Variants in GPD1L observed in about 807,000 individuals in gnomAD.
GPD1L encodes glycerol-3-phosphate dehydrogenase 1-like protein.
A neutral mutation model predicts 32.9 loss-of-function variants in GPD1L; 17 were observed. The observed-to-expected ratio is 0.52, with a 90% confidence interval of 0.35 to 0.78. The LOEUF (loss-of-function observed/expected upper bound fraction) is 0.78. Among genes scored for constraint, GPD1L ranks in the 30% least tolerant of loss-of-function variants. The pLI is 0.01. For synonymous variants in GPD1L, 187 were observed against 165.9 expected, an observed-to-expected ratio of 1.13 and a Z score of -0.98; for missense variants, 361 against 447.8, an observed-to-expected ratio of 0.81 and a Z score of 1.75.
intron 1 of GPD1L, among the ~76,000 whole-genome samples, chr3:32,124,225 T>C (rs987287583): frequency 3.3e-5 from 5 of 152,016 alleles, no homozygotes; most frequent in Non-Finnish European, 4.4e-5. Context: ...GCCACCATGC[T>C]CAGCTAATTT....
intron 5 of GPD1L, among the ~76,000 whole-genome samples, chr3:32,149,253 G>T (rs1180952467): frequency 6.6e-6 from 1 of 152,098 alleles, no homozygotes; most frequent in Non-Finnish European, 1.5e-5. Context: ...TAGAGATGGG[G>T]CCTCGCTGTG....
chr3:32,145,992 C>T (rs781231294), intron 4 of GPD1L, among the ~76,000 whole-genome samples: 15 of 152,080 alleles, frequency 9.9e-5, no homozygotes, highest in Non-Finnish European at 1.8e-4. Flanking sequence ...CATCCACTCC[C>T]CACCCTCTCT....
At chr3:32,148,680 C>T (rs1700868521) in intron 5 of GPD1L, among the ~76,000 whole-genome samples, 1 of 152,178 alleles carries the variant, frequency 6.6e-6, no homozygotes, top group African/African-American at 2.4e-5. Flanking sequence ...GGTTTTAAGA[C>T]TCTCAGCCCA....
chr3:32,107,616 GTGA>G (rs1407324493), intron 1 of GPD1L, among the ~76,000 whole-genome samples: 1 of 152,162 alleles, frequency 6.6e-6, no homozygotes, highest in Non-Finnish European at 1.5e-5. Context: ...ATAGTTAAGA[GTGA>G]TGATGTCCTT....
chr3:32,159,465 TAAAAA>T, intron 6 of GPD1L, 98 bp from the exon 7 acceptor site: 1 of 606,696 alleles, frequency 1.6e-6, no homozygotes, highest in Non-Finnish European at 2.7e-6. Context: ...ACCCATTCTC[TAAAAA>T]AAAAAAAAAA....
In GPD1L at chr3:32,138,605, A is replaced by G. The variant is rs1218469069; in HGVS notation, c.244A>G (p.Ser82Gly). The G allele has an allele frequency of 6.2e-7, 1 of 1,613,966 alleles. No individual in the cohort carries two copies. The highest frequency in any genetic ancestry group is 1.1e-5 in the South Asian group (1 of 91,082). Reference protein sequence around the residue: ...PENVVAMSNLSEAVQDADLLV... With the variant: ...PENVVAMSNLGEAVQDADLLV... ...GTTGCAGGTTGCCATGTCAAATCTTAGCGAGGCTGTGCAGGATGCAGACCT... is the reference window on the plus strand; with the variant it reads ...GTTGCAGGTTGCCATGTCAAATCTTGGCGAGGCTGTGCAGGATGCAGACCT... The change falls in exon 3 of 8, where the codon AGC (serine) becomes GGC (glycine). Residue 82 changes from serine (S) to glycine (G), a missense_variant. By Grantham distance (56) the Ser-to-Gly change is moderately conservative (BLOSUM62 0). Coordinates refer to ENST00000282541, the MANE Select transcript of GPD1L (RefSeq NM_015141.4).
chr3:32,106,861 T>A lies in GPD1L; in HGVS notation c.47+103T>A, dbSNP rs1700172142. On this transcript the variant is annotated intron_variant, in intron 1 of 7. Transcript: ENST00000282541. The surrounding 1 kb of genome is among the most constrained non-coding windows in gnomAD (Gnocchi z 4.0). ...ATGCTGCGGCGTGGGCACCGGGCAC[T>A]GCGCGCAGGGAGGCGGGGTGGGCGA... The A allele has an allele frequency of 8.8e-7, 1 of 1,138,432 alleles. No individual in the cohort carries two copies. Among genetic ancestry groups the A allele is most frequent in the East Asian group, 3.1e-5 (1 of 32,358 alleles). 70.5% of individuals were successfully genotyped at this position (1,138,432 alleles called of 1,614,324 possible). A position where few individuals can be genotyped will look rare whatever the true frequency, so the allele number is the denominator to read the frequency against.
intron 1 of GPD1L, among the ~76,000 whole-genome samples, chr3:32,125,226 A>G (rs1050546253): frequency 6.6e-6 from 1 of 151,962 alleles, no homozygotes; most frequent in African/African-American, 2.4e-5. Flanking sequence ...CCAACAATTC[A>G]CTTGGAGTGG....
chr3:32,107,755 G>T (rs1402021176), intron 1 of GPD1L, among the ~76,000 whole-genome samples: 1 of 152,192 alleles, frequency 6.6e-6, no homozygotes, highest in Non-Finnish European at 1.5e-5. Flanking sequence ...ACTTATTGAA[G>T]GAAACCTTAC....
At chr3:32,151,038 G>A (rs1700912382) in intron 5 of GPD1L, 1 of 284,734 alleles carries the variant, frequency 3.5e-6, no homozygotes, top group South Asian at 4.0e-5. Flanking sequence ...AAAGTGCTGG[G>A]GTTACATGCG....
At chr3:32,127,153 A>G (rs936003182) in intron 1 of GPD1L, among the ~76,000 whole-genome samples, 1 of 151,940 alleles carries the variant, frequency 6.6e-6, no homozygotes, top group Non-Finnish European at 1.5e-5. Flanking sequence ...ACTCCATCTC[A>G]TCAATTTGTC....
At chr3:32,152,401 C>T (rs1170470960) in intron 5 of GPD1L, among the ~76,000 whole-genome samples, 1 of 152,138 alleles carries the variant, frequency 6.6e-6, no homozygotes, top group Non-Finnish European at 1.5e-5. Flanking sequence ...TTATAATGAA[C>T]AGAAATGTAT....
At chr3:32,164,681 A>G (rs1293449184) in intron 7 of GPD1L, among the ~76,000 whole-genome samples, 1 of 152,254 alleles carries the variant, frequency 6.6e-6, no homozygotes, top group African/African-American at 2.4e-5. Context: ...CCTGACTCCA[A>G]AAAAATAAAA....
chr3:32,115,311 T>C (rs1349088907), intron 1 of GPD1L, among the ~76,000 whole-genome samples: 4 of 152,092 alleles, frequency 2.6e-5, no homozygotes. Context: ...GATTGGTGCA[T>C]TTATAATCCT....
chr3:32,140,659 A>G (rs894002852), intron 4 of GPD1L, among the ~76,000 whole-genome samples: 1 of 150,476 alleles, frequency 6.6e-6, no homozygotes, highest in African/African-American at 2.5e-5. Flanking sequence ...GGTTGCTTGT[A>G]CCAAGAAACA....
At chr3:32,145,093 T>G (rs930690221) in intron 4 of GPD1L, among the ~76,000 whole-genome samples, 5 of 151,234 alleles carry the variant, frequency 3.3e-5, no homozygotes, top group African/African-American at 1.2e-4. Flanking sequence ...CCAAGGCAGG[T>G]GGATTGCTGG....
chr3:32,123,847 C>T lies in GPD1L; in HGVS notation c.48-4229C>T, dbSNP rs56811782. ...ATAGATAGATAGATAGATAGACAGA[C>T]AGATAAGACCCATGCCTGACTATGC... is the stretch of plus-strand genomic sequence containing the variant. On this transcript the variant is annotated intron_variant, in intron 1 of 7. Transcript: ENST00000282541. Among the ~76,000 whole-genome samples, 414 of 71,678 alleles carry T rather than the reference C, an allele frequency of 5.8e-3. 1 individual carries two copies. In the Middle Eastern group the frequency reaches 0.071, roughly 12 times the overall value. 47.0% of individuals were successfully genotyped at this position (71,678 alleles called of 152,430 possible).
intron 1 of GPD1L, among the ~76,000 whole-genome samples, chr3:32,107,917 G>A (rs1159173289): frequency 1.3e-5 from 2 of 152,174 alleles, no homozygotes; most frequent in Admixed American, 6.5e-5. Context: ...CATATGCTAA[G>A]TCAATACTAA....
At chr3:32,130,586 A>G (rs1472341817) in intron 2 of GPD1L, among the ~76,000 whole-genome samples, 2 of 152,144 alleles carry the variant, frequency 1.3e-5, no homozygotes, top group South Asian at 2.1e-4. Context: ...CTTCTGTTAC[A>G]GTGACTTCAC....
Sources: gnomAD v4.1 joint callset for allele counts (sites outside exome capture counted in the v4.1 genomes callset) on GRCh38, gnomAD v4.1.1 for gene constraint, Gnocchi (gnomAD v3.1) non-coding constraint, MANE v1.5 for transcripts, NCBI Gene and HGNC (gene_info 2026-07-23, HGNC 2026-07-21) for gene names.